The following NFKB1 variants were observed in gnomAD, a reference collection of about 807,000 sequenced individuals.
The protein encoded by NFKB1 is nuclear factor NF-kappa-B p105 subunit.
In NFKB1, 9 loss-of-function variants were observed where a neutral mutation model predicts 105.1. That is an observed-to-expected ratio of 0.09 (90% confidence interval 0.05 to 0.15). The LOEUF is 0.15. Among genes scored for constraint, NFKB1 ranks in the 10% least tolerant of loss-of-function variants. NFKB1 has a pLI of 1.00. For missense variants in NFKB1, 830 were observed against 1,203.7 expected, an observed-to-expected ratio of 0.69 and a Z score of 4.59; for synonymous variants, 440 against 442.2, an observed-to-expected ratio of 1.00 and a Z score of 0.06.
In NFKB1 at chr4:102,501,405, G is replaced by A. The variant is rs1273242205; in HGVS notation, c.-391G>A. 2 of 151,354 alleles carry A rather than the reference G, an allele frequency of 1.3e-5. No homozygotes were observed. Among genetic ancestry groups the A allele is most frequent in the Non-Finnish European group, 3.0e-5 (2 of 67,752 alleles). 9.4% of individuals were successfully genotyped at this position (151,354 alleles called of 1,614,324 possible). The stretch of plus-strand genomic sequence containing the variant: ...GCAGGAAGAGGAGGTTTCGCCACCG[G>A]AGCGGCCCGGCGACGCGCTGACAGC... On this transcript the variant is annotated 5_prime_UTR_variant, in exon 1 of 24. Transcript: ENST00000226574.
intron 6 of NFKB1, among the ~76,000 whole-genome samples, chr4:102,574,125 C>CTTTTTTTTT (rs56977004): frequency 1.1e-5 from 1 of 93,266 alleles, no homozygotes; most frequent in African/African-American, 4.6e-5. Flanking sequence ...TCTTGGATTC[C>CTTTTTTTTT]TTTTTTTTTT....
At chr4:102,537,021 A>G (rs230527) in intron 4 of NFKB1, among the ~76,000 whole-genome samples, 110,760 of 152,076 alleles carry the variant, frequency 0.73, 41,682 homozygotes, top group African/African-American at 0.92. Flanking sequence ...GAATAAGTTA[A>G]CTTTATAAAT....
intron 6 of NFKB1, among the ~76,000 whole-genome samples, chr4:102,573,204 A>G (rs1724530572): frequency 6.6e-6 from 1 of 152,104 alleles, no homozygotes; most frequent in African/African-American, 2.4e-5. Context: ...GCTACTCGAG[A>G]GGCCGAGGCA....
At chr4:102,555,402 C>G (rs950407652) in intron 5 of NFKB1, among the ~76,000 whole-genome samples, 1 of 152,140 alleles carries the variant, frequency 6.6e-6, no homozygotes, top group African/African-American at 2.4e-5. Flanking sequence ...TAAATAGTGC[C>G]TTTGTCCTCA....
chr4:102,526,401 A>G (rs1169521418), intron 2 of NFKB1, among the ~76,000 whole-genome samples: 1 of 152,210 alleles, frequency 6.6e-6, no homozygotes, highest in Non-Finnish European at 1.5e-5. Context: ...AATGGGTACA[A>G]TGTATGTTAT....
intron 11 of NFKB1, among the ~76,000 whole-genome samples, chr4:102,590,681 T>TC (rs1221866411): frequency 6.6e-6 from 1 of 152,200 alleles, no homozygotes; most frequent in East Asian, 1.9e-4. Flanking sequence ...TGGCAATTCC[T>TC]CCATCTCTCT....
intron 2 of NFKB1, among the ~76,000 whole-genome samples, chr4:102,527,800 C>T (rs533761759): frequency 9.2e-5 from 14 of 152,208 alleles, no homozygotes; most frequent in Admixed American, 4.6e-4. Flanking sequence ...ATTGTGTCTG[C>T]TTGATTTTAA....
chr4:102,608,580 C>A (rs1239353075), intron 19 of NFKB1, among the ~76,000 whole-genome samples: 121 of 151,970 alleles, frequency 8.0e-4, no homozygotes, highest in Non-Finnish European at 2.5e-4. Flanking sequence ...CAGTGCCTTG[C>A]ATATTTAGAA....
intron 5 of NFKB1, among the ~76,000 whole-genome samples, chr4:102,538,367 A>G (rs2149128390): frequency 6.6e-6 from 1 of 152,352 alleles, no homozygotes; most frequent in South Asian, 2.1e-4. Context: ...TTGGATCCAG[A>G]CTTTGTTATT....
intron 11 of NFKB1, among the ~76,000 whole-genome samples, chr4:102,585,458 G>A (rs1016814214): frequency 6.6e-6 from 1 of 152,182 alleles, no homozygotes; most frequent in Non-Finnish European, 1.5e-5. Flanking sequence ...AAGCAGCTGA[G>A]ATGAAAAAAT....
In NFKB1 at chr4:102,613,179, G is replaced by A. The variant is rs4648114; in HGVS notation, c.2593-246G>A. On this transcript the variant is annotated intron_variant, in intron 22 of 23. Transcript: ENST00000226574. ...GTTTCACTGCCTCAGCGCTTCTCTC[G>A]CTGTCTCTCTCTCTGCTTACTACAA... is the stretch of plus-strand genomic sequence containing the variant. 3.8e-3 allele frequency among the ~76,000 whole-genome samples: 573 copies of A among 152,240 alleles called. 5 individuals are homozygous for A. Among genetic ancestry groups the A allele is most frequent in the African/African-American group, 0.013 (559 of 41,532 alleles).
chr4:102,571,175 TAC>T (rs1192260837), intron 6 of NFKB1, among the ~76,000 whole-genome samples: 23 of 152,052 alleles, frequency 1.5e-4, no homozygotes, highest in Non-Finnish European at 3.1e-4. Flanking sequence ...TCAGAAATAA[TAC>T]CGTACATCTA....
intron 3 of NFKB1, among the ~76,000 whole-genome samples, chr4:102,532,471 A>T (rs1384145790): frequency 6.6e-6 from 1 of 152,162 alleles, no homozygotes; most frequent in African/African-American, 2.4e-5. Flanking sequence ...TACTAAAAAA[A>T]TACAAAAATT....
At position 102,583,224 on chromosome 4, in the gene NFKB1, G is replaced by A. The variant is rs4648036; in HGVS notation, c.927+267G>A. Among the ~76,000 whole-genome samples, 6 of 152,108 alleles carry A rather than the reference G, an allele frequency of 3.9e-5. No homozygotes were observed. The South Asian group carries it at 8.3e-4, about 21-fold the overall frequency. ...TCGTCTTGAACTCCTGGACTTAAGC[G>A]ATTATCCCACATTGGCCTCCCAAAA... On this transcript the variant is annotated intron_variant, in intron 10 of 23. Coordinates refer to ENST00000226574, the MANE Select transcript of NFKB1 (RefSeq NM_003998.4).
chr4:102,601,004 T>C lies in NFKB1; in HGVS notation c.1747T>C (p.Tyr583His), dbSNP rs779678187. 6.4e-7 allele frequency: 1 copy of C among 1,565,576 alleles called. No homozygotes were observed. Among genetic ancestry groups the C allele is most frequent in the Non-Finnish European group, 8.7e-7 (1 of 1,143,444 alleles). The change falls in exon 16 of 24, where the codon TAC (tyrosine) becomes CAC (histidine). Residue 583 changes from tyrosine to histidine, a missense_variant. By Grantham distance (83) the Tyr-to-His change is moderately conservative. Coordinates refer to ENST00000226574, the MANE Select transcript of NFKB1 (RefSeq NM_003998.4). ...DDIINMRNDL[Y>H]QTPLHLAVIT... The stretch of plus-strand genomic sequence containing the variant: ...CATTATCAACATGAGAAATGATCTG[T>C]ACCAGGTAAGCAGAAATCTCAAGAA...
intron 6 of NFKB1, among the ~76,000 whole-genome samples, chr4:102,570,135 T>C (rs1035673339): frequency 1.3e-5 from 2 of 152,160 alleles, no homozygotes; most frequent in Admixed American, 1.3e-4. Context: ...TTTAGAGACA[T>C]GGAATTTTTT....
At chr4:102,514,295 C>CT (rs1473777459) in intron 1 of NFKB1, among the ~76,000 whole-genome samples, 6 of 152,104 alleles carry the variant, frequency 3.9e-5, no homozygotes, top group African/African-American at 1.4e-4. Context: ...TATATCTTTC[C>CT]TACCATGGTT....
chr4:102,554,968 C>T (rs1469668226), intron 5 of NFKB1, among the ~76,000 whole-genome samples: 5 of 152,062 alleles, frequency 3.3e-5, no homozygotes, highest in South Asian at 2.1e-4. Flanking sequence ...AATTGCTTCT[C>T]GAAGTAGAAA....
At chr4:102,562,167 G>A (rs1026285082) in intron 5 of NFKB1, among the ~76,000 whole-genome samples, 9 of 152,044 alleles carry the variant, frequency 5.9e-5, no homozygotes, top group Non-Finnish European at 1.0e-4. Context: ...TGTTTTTCCT[G>A]CCAGCAAGAC....
Sources: allele counts gnomAD v4.1 joint callset (sites outside exome capture counted in the v4.1 genomes callset), GRCh38; gene constraint gnomAD v4.1.1; transcripts MANE v1.5; gene names NCBI Gene and HGNC (gene_info 2026-07-23, HGNC 2026-07-21).